The following ENOX1 variants were observed in gnomAD, a reference collection of about 807,000 sequenced individuals.
ENOX1 encodes the protein ecto-NOX disulfide-thiol exchanger 1.
In ENOX1, 42 loss-of-function variants were observed where a neutral mutation model predicts 82.5. The ratio of observed to expected loss-of-function variants is 0.51; its 90% CI spans 0.40 to 0.66. The LOEUF (loss-of-function observed/expected upper bound fraction) is 0.66. Ranked by LOEUF, ENOX1 falls within the 30% of genes least tolerant of loss-of-function variation. The probability of loss-of-function intolerance (pLI) is 0.00; values close to 1 mark genes in which losing one functional copy is unlikely to be tolerated. For missense variants in ENOX1, 608 were observed against 811.6 expected, an observed-to-expected ratio of 0.75 and a Z score of 3.05; for synonymous variants, 271 against 282.2, an observed-to-expected ratio of 0.96 and a Z score of 0.40.
Position 43,245,561 on chromosome 13 carries a change from A to G in ENOX1, c.1612-8823T>C, listed in dbSNP as rs149006627. On this transcript the variant is annotated intron_variant, in intron 14 of 16. Transcript: ENST00000690772. ...AACATAAGAATGCATCCATCCCCCA[A>G]TAGTGAGCAGGATCGCAGGAATTTC... Among the ~76,000 whole-genome samples the G allele has an allele frequency of 4.4e-3, 668 of 152,306 alleles. 4 individuals are homozygous for G. The highest frequency in any genetic ancestry group is 0.034 in the Middle Eastern group (10 of 294).
At chr13:43,590,426 G>A (rs2081192274) in intron 2 of ENOX1, among the ~76,000 whole-genome samples, 1 of 152,024 alleles carries the variant, frequency 6.6e-6, no homozygotes, top group African/African-American at 2.4e-5. Flanking sequence ...AGAAAATGAA[G>A]AGTTAATCCA....
intron 2 of ENOX1, among the ~76,000 whole-genome samples, chr13:43,585,291 T>C (rs928070549): frequency 1.5e-4 from 23 of 152,324 alleles, no homozygotes; most frequent in South Asian, 6.2e-4. Flanking sequence ...CCCTAGAAGA[T>C]TGGGAGGCAG....
intron 16 of ENOX1, among the ~76,000 whole-genome samples, chr13:43,223,198 C>G (rs139946781): frequency 6.6e-6 from 1 of 152,158 alleles, no homozygotes; most frequent in African/African-American, 2.4e-5. Context: ...CAATCCCATG[C>G]GTTTTGCTGT....
Position 43,507,396 on chromosome 13 carries a change from A to G in ENOX1, c.-218-23244T>C, listed in dbSNP as rs532590009. Among the ~76,000 whole-genome samples, 83 of 152,182 alleles carry G rather than the reference A, an allele frequency of 5.5e-4. 1 individual carries two copies. The highest frequency in any genetic ancestry group is 2.0e-3 in the Admixed American group (31 of 15,238). ...TATGTTTTTGTAAGAGTTCCTACAG[A>G]TAAGTTTCTAAAAACTGAGGAGGAA... is the stretch of plus-strand genomic sequence containing the variant. On this transcript the variant is annotated intron_variant, in intron 2 of 16. Transcript: ENST00000690772.
intron 11 of ENOX1, among the ~76,000 whole-genome samples, chr13:43,322,078 C>G (rs2047840374): frequency 6.6e-6 from 1 of 152,146 alleles, no homozygotes. Flanking sequence ...AAATTTTATC[C>G]ATATTTTTAG....
chr13:43,274,040 A>G (rs932905849), intron 12 of ENOX1, among the ~76,000 whole-genome samples: 3 of 152,208 alleles, frequency 2.0e-5, no homozygotes, highest in African/African-American at 4.8e-5. Flanking sequence ...CAACAAAAAC[A>G]AAAACAACCC....
At chr13:43,701,195 T>A (rs1329936164) in intron 1 of ENOX1, among the ~76,000 whole-genome samples, 1 of 152,176 alleles carries the variant, frequency 6.6e-6, no homozygotes, top group African/African-American at 2.4e-5. Context: ...ATAAAAACAC[T>A]GAAATTTCCT....
chr13:43,386,363 G>A (rs2052411395), intron 5 of ENOX1, among the ~76,000 whole-genome samples: 1 of 152,150 alleles, frequency 6.6e-6, no homozygotes, highest in South Asian at 2.1e-4. Context: ...ATTATTTAAG[G>A]AGAATGGACA....
intron 2 of ENOX1, among the ~76,000 whole-genome samples, chr13:43,593,337 GT>G (rs1302976650): frequency 6.6e-6 from 1 of 152,124 alleles, no homozygotes; most frequent in Non-Finnish European, 1.5e-5. Context: ...AAATAAAATG[GT>G]TTGGAATTGA....
chr13:43,603,006 T>C (rs1037450699), intron 2 of ENOX1, among the ~76,000 whole-genome samples: 21 of 152,154 alleles, frequency 1.4e-4, no homozygotes, highest in Admixed American at 6.5e-5. Context: ...CTTATGTGTA[T>C]ATGTAAAGAA....
intron 2 of ENOX1, among the ~76,000 whole-genome samples, chr13:43,527,011 G>A (rs1176562475): frequency 6.6e-6 from 1 of 152,038 alleles, no homozygotes; most frequent in African/African-American, 2.4e-5. Context: ...GAAGCAGAGT[G>A]CAGCCCTACA....
At chr13:43,435,830 T>C (rs76294695) in intron 3 of ENOX1, among the ~76,000 whole-genome samples, 138 of 152,060 alleles carry the variant, frequency 9.1e-4, no homozygotes, top group African/African-American at 3.2e-3. Context: ...ATATTTATTG[T>C]AGAAGTCTGT....
At chr13:43,749,951 C>T (rs1170114820) in intron 1 of ENOX1, among the ~76,000 whole-genome samples, 1 of 152,052 alleles carries the variant, frequency 6.6e-6, no homozygotes, top group South Asian at 2.1e-4. Flanking sequence ...CCCAATAATT[C>T]GACTATACTC....
chr13:43,245,136 G>T lies in ENOX1; in HGVS notation c.1612-8398C>A, dbSNP rs537804852. On this transcript the variant is annotated intron_variant, in intron 14 of 16. Coordinates refer to ENST00000690772, the MANE Select transcript of ENOX1 (RefSeq NM_001347969.2). ...AGCAGGTGCCCAGTGGCTGATAAAT[G>T]AAAGAATGAGCCTCAAACAATGGCC... Among the ~76,000 whole-genome samples, 55 of 152,282 alleles carry T rather than the reference G, an allele frequency of 3.6e-4. No individual in the cohort carries two copies. In the South Asian group the frequency reaches 0.011, roughly 32 times the overall value.
chr13:43,427,995 G>T (rs1331530574), intron 3 of ENOX1, among the ~76,000 whole-genome samples: 5 of 152,188 alleles, frequency 3.3e-5, no homozygotes, highest in Non-Finnish European at 7.4e-5. Context: ...CATCAGCAAT[G>T]CACCAGGAGA....
chr13:43,247,672 G>A (rs2043149797), intron 14 of ENOX1, among the ~76,000 whole-genome samples: 1 of 149,076 alleles, frequency 6.7e-6, no homozygotes, highest in African/African-American at 2.5e-5. Context: ...CTCTTGCACG[G>A]TCCCAGTGCA....
intron 2 of ENOX1, among the ~76,000 whole-genome samples, chr13:43,600,520 T>C (rs569472832): frequency 6.6e-6 from 1 of 152,094 alleles, no homozygotes; most frequent in South Asian, 2.1e-4. Flanking sequence ...TACAGTAGAA[T>C]AGAGAATCAG....
chr13:43,249,486 C>T (rs961090830), intron 14 of ENOX1, among the ~76,000 whole-genome samples: 3 of 152,022 alleles, frequency 2.0e-5, no homozygotes, highest in African/African-American at 4.8e-5. Context: ...CAGAATTAGT[C>T]GGTTTGATTT....
chr13:43,274,797 C>T (rs1367129691), intron 12 of ENOX1, among the ~76,000 whole-genome samples: 1 of 152,212 alleles, frequency 6.6e-6, no homozygotes, highest in Non-Finnish European at 1.5e-5. Flanking sequence ...CTGTACCTGA[C>T]ACATCTTGAT....
Sources: gnomAD v4.1 joint callset for allele counts (sites outside exome capture counted in the v4.1 genomes callset) on GRCh38, gnomAD v4.1.1 for gene constraint, MANE v1.5 for transcripts, NCBI Gene and HGNC (gene_info 2026-07-23, HGNC 2026-07-21) for gene names.